The following CDH20 variants were observed in gnomAD, a reference collection of about 807,000 sequenced individuals.
CDH20 encodes the protein cadherin 20.
CDH20 carries 29 observed loss-of-function variants against 74.2 expected under a neutral mutation model. The ratio of observed to expected loss-of-function variants is 0.39; its 90% CI spans 0.29 to 0.53. The LOEUF (loss-of-function observed/expected upper bound fraction) is 0.53, where lower values mean the gene tolerates loss of function less well. Among genes scored for constraint, CDH20 ranks in the 20% least tolerant of loss-of-function variants. CDH20 has a pLI of 0.69. For missense variants in CDH20, 988 were observed against 1,048.3 expected (o/e 0.94, Z 0.79); for synonymous variants, 469 against 405.4 (o/e 1.16, Z -1.88).
intron 1 of CDH20, among the ~76,000 whole-genome samples, chr18:61,349,633 T>C (rs548269441): frequency 1.3e-5 from 2 of 152,262 alleles, no homozygotes; most frequent in Non-Finnish European, 2.9e-5. Flanking sequence ...CTAGGAGTTC[T>C]GCAATGAGTA....
intron 1 of CDH20, among the ~76,000 whole-genome samples, chr18:61,459,950 G>A (rs1909712736): frequency 6.6e-6 from 1 of 152,196 alleles, no homozygotes; most frequent in South Asian, 2.1e-4. Flanking sequence ...AGACAGGGAA[G>A]AGGGAAAGTG....
intron 1 of CDH20, among the ~76,000 whole-genome samples, chr18:61,392,031 A>C (rs1011445975): frequency 2.0e-5 from 3 of 151,998 alleles, no homozygotes; most frequent in African/African-American, 7.3e-5. Flanking sequence ...ATGCTAGCCG[A>C]ATCTTTTGCC....
chr18:61,485,815 T>G (rs1270402263), intron 1 of CDH20, among the ~76,000 whole-genome samples: 1 of 152,174 alleles, frequency 6.6e-6, no homozygotes, highest in East Asian at 1.9e-4. Flanking sequence ...GGCTCACGCC[T>G]GTAATCCCAG....
chr18:61,513,637 C>T (rs1017067456), intron 6 of CDH20, among the ~76,000 whole-genome samples: 3 of 152,110 alleles, frequency 2.0e-5, no homozygotes, highest in African/African-American at 7.2e-5. Flanking sequence ...GCGGCTGGTA[C>T]TGGTTGTTCC....
intron 11 of CDH20, among the ~76,000 whole-genome samples, chr18:61,553,288 C>T (rs1042470894): frequency 3.3e-5 from 5 of 151,702 alleles, no homozygotes; most frequent in Non-Finnish European, 5.9e-5. Context: ...AATAGCAGTT[C>T]TACAGCTAAA....
intron 1 of CDH20, among the ~76,000 whole-genome samples, chr18:61,413,232 T>C (rs184476249): frequency 7.2e-5 from 11 of 152,310 alleles, no homozygotes; most frequent in Admixed American, 3.9e-4. Context: ...GGAATTCATA[T>C]GGTGGGATTT....
At chr18:61,459,872 G>A (rs921214066) in intron 1 of CDH20, among the ~76,000 whole-genome samples, 2 of 152,172 alleles carry the variant, frequency 1.3e-5, no homozygotes, top group Non-Finnish European at 2.9e-5. Flanking sequence ...ACTGACAACT[G>A]AGAGTGAAAG....
intron 1 of CDH20, among the ~76,000 whole-genome samples, chr18:61,370,664 C>T (rs1337107724): frequency 6.6e-6 from 1 of 151,976 alleles, no homozygotes; most frequent in Non-Finnish European, 1.5e-5. Context: ...AAAATGTACC[C>T]TCCGCAAATT....
chr18:61,348,103 T>G (rs959154785), intron 1 of CDH20, among the ~76,000 whole-genome samples: 1 of 152,210 alleles, frequency 6.6e-6, no homozygotes. Flanking sequence ...GATTTCATTT[T>G]TTTGGGGGGG....
chr18:61,433,774 T>C (rs1406897157), intron 1 of CDH20, among the ~76,000 whole-genome samples: 1 of 152,170 alleles, frequency 6.6e-6, no homozygotes, highest in Non-Finnish European at 1.5e-5. Flanking sequence ...TGGGAAAATA[T>C]TGTTTGCTGT....
chr18:61,449,946 T>C (rs976686517), intron 1 of CDH20, among the ~76,000 whole-genome samples: 3 of 152,110 alleles, frequency 2.0e-5, no homozygotes, highest in Non-Finnish European at 2.9e-5. Context: ...ACTTAGGCTA[T>C]GTTTTTATTC....
intron 6 of CDH20, among the ~76,000 whole-genome samples, chr18:61,517,149 T>TCTAAAAGG (rs1226741236): frequency 6.6e-6 from 1 of 152,184 alleles, no homozygotes; most frequent in African/African-American, 2.4e-5. Context: ...CTATAAAATT[T>TCTAAAAGG]CTAAAAGGAA....
chr18:61,427,690 G>A (rs1913116906), intron 1 of CDH20, among the ~76,000 whole-genome samples: 1 of 152,156 alleles, frequency 6.6e-6, no homozygotes, highest in African/African-American at 2.4e-5. Context: ...CTATTTCTGT[G>A]CTTCTCTTAT....
In CDH20 at chr18:61,353,952, G is replaced by A. The variant is rs771627891; in HGVS notation, c.-153+20125G>A. Reference sequence around the variant, plus strand: ...CAAAATATTAGTTGGGCATGGTGGCGTGCACCTGTGGTCCCAGCTACTTGG... The same window carrying A: ...CAAAATATTAGTTGGGCATGGTGGCATGCACCTGTGGTCCCAGCTACTTGG... On this transcript the variant is annotated intron_variant, in intron 1 of 11. Transcript: ENST00000262717. The surrounding 1 kb of genome is among the most constrained non-coding windows in gnomAD (Gnocchi z 4.6). Among the ~76,000 whole-genome samples the A allele has an allele frequency of 3.3e-5, 5 of 151,534 alleles. No homozygotes were observed. Among genetic ancestry groups the A allele is most frequent in the East Asian group, 3.9e-4 (2 of 5,132 alleles).
intron 6 of CDH20, among the ~76,000 whole-genome samples, chr18:61,514,874 C>A (rs1350538092): frequency 1.3e-5 from 2 of 151,146 alleles, no homozygotes. Flanking sequence ...TCTCCAGCTG[C>A]GTGCTGGGAG....
chr18:61,405,071 C>A (rs1912286309), intron 1 of CDH20: 3 of 671,500 alleles, frequency 4.5e-6, no homozygotes, highest in African/African-American at 3.6e-5. Flanking sequence ...AGAGAATGAC[C>A]AATTTTGCTT....
At position 61,346,629 on chromosome 18, in the gene CDH20, C is replaced by CA. The variant is rs201773941; in HGVS notation, c.-153+12809dup. ...ACACACGTTTCTCTTTGAGGTTTTG[C>CA]AAAAAAAGAAAAATCTAGGTAGATA... On this transcript the variant is annotated intron_variant, in intron 1 of 11. Transcript: ENST00000262717. Among the ~76,000 whole-genome samples the CA allele has an allele frequency of 9.1e-3, 1,372 of 151,488 alleles. 19 individuals are homozygous for CA. Among genetic ancestry groups the CA allele is most frequent in the African/African-American group, 0.032 (1,314 of 41,284 alleles).
rs186087513 is a variant in CDH20, at chr18:61,399,702, A to G, written c.-153+65875A>G. Among the ~76,000 whole-genome samples the G allele has an allele frequency of 1.1e-3, 162 of 152,322 alleles. No individual in the cohort carries two copies. The East Asian group carries it at 0.022, about 21-fold the overall frequency. On this transcript the variant is annotated intron_variant, in intron 1 of 11. Transcript: ENST00000262717. ...AATAAGTTAATATATTGGAATGGAA[A>G]AAATTTGCTTTCAGTCTCAGGGATC... is the stretch of plus-strand genomic sequence containing the variant.
intron 1 of CDH20, among the ~76,000 whole-genome samples, chr18:61,342,570 G>A (rs972089867): frequency 1.3e-5 from 2 of 152,082 alleles, no homozygotes; most frequent in African/African-American, 2.4e-5. Context: ...TGCATTGTAG[G>A]ATACTTAACA....
Sources: allele counts gnomAD v4.1 joint callset (sites outside exome capture counted in the v4.1 genomes callset), GRCh38; gene constraint gnomAD v4.1.1; non-coding constraint Gnocchi (gnomAD v3.1); transcripts MANE v1.5; gene names NCBI Gene and HGNC (gene_info 2026-07-23, HGNC 2026-07-21).